ACOT9: variants seen among roughly 807,000 people sequenced by gnomAD.
ACOT9 encodes acyl-coenzyme A thioesterase 9, mitochondrial.
A neutral mutation model predicts 39.7 loss-of-function variants in ACOT9; 34 were observed. The observed-to-expected ratio is 0.86, with a 90% CI of 0.65 to 1.14. The LOEUF (loss-of-function observed/expected upper bound fraction) is 1.14. ACOT9 is among the 50% of genes most tolerant of loss of function. ACOT9 has a pLI of 0.00. For synonymous variants in ACOT9, 110 were observed against 120.5 expected, an observed-to-expected ratio of 0.91 and a Z score of 0.57; for missense variants, 313 against 344.1, an observed-to-expected ratio of 0.91 and a Z score of 0.71.
chrX:23,720,849 T>C (rs990702397), intron 8 of ACOT9, among the ~76,000 whole-genome samples: 3 of 111,340 alleles, frequency 2.7e-5, no homozygotes, highest in Admixed American at 9.7e-5. Context: ...CTCCCCTATA[T>C]AAAATGGGGT....
chrX:23,705,908 T>C (rs1285027386), intron 11 of ACOT9, 50 bp from the exon 12 acceptor site: 14 of 1,023,804 alleles, frequency 1.4e-5, no homozygotes, highest in Non-Finnish European at 1.9e-5. Flanking sequence ...GGTTCTCTTG[T>C]TGAAAAGTAA....
In ACOT9 at chrX:23,713,547, T is replaced by TA. The variant is rs1299622641; in HGVS notation, c.589-340dup. Among the ~76,000 whole-genome samples the TA allele has an allele frequency of 9.4e-3, 570 of 60,561 alleles. 4 individuals carry two copies. The highest frequency in any genetic ancestry group is 0.027 in the African/African-American group (423 of 15,761). The allele number at this position is 60,561 out of a possible 115,157, so 52.6% of individuals were successfully genotyped here. On this transcript the variant is annotated intron_variant, in intron 8 of 15. Coordinates refer to ENST00000379303, the MANE Select transcript of ACOT9 (RefSeq NM_001037171.2). ...TGAGCCGAGATTGCAGGCCCCTGTCTAAAAAAAAAAAAAGAAAAAAAAAAA... is the reference window on the plus strand; with the variant it reads ...TGAGCCGAGATTGCAGGCCCCTGTCTAAAAAAAAAAAAAAGAAAAAAAAAAA...
intron 6 of ACOT9, among the ~76,000 whole-genome samples, chrX:23,729,376 G>A (rs1300715987): frequency 1.8e-5 from 2 of 111,946 alleles, no homozygotes; most frequent in African/African-American, 6.5e-5. Context: ...TAAGGAACTA[G>A]TCCTGACATG....
chrX:23,729,451 T>C (rs895629560), intron 6 of ACOT9, among the ~76,000 whole-genome samples: 2 of 111,996 alleles, frequency 1.8e-5, no homozygotes, highest in African/African-American at 3.2e-5. Context: ...TGGCAAAAGT[T>C]GAATGGGACC....
intron 8 of ACOT9, among the ~76,000 whole-genome samples, chrX:23,719,058 C>T (rs1387329708): frequency 9.1e-6 from 1 of 110,441 alleles, no homozygotes; most frequent in Non-Finnish European, 1.9e-5. Context: ...TGGCTTGAGT[C>T]CAAGAGTTCA....
intron 3 of ACOT9, 145 bp from the exon 4 acceptor site, chrX:23,733,362 C>T (rs1684912947): frequency 2.0e-6 from 1 of 511,818 alleles, no homozygotes; most frequent in Non-Finnish European, 3.3e-6. Flanking sequence ...CCACAACAAA[C>T]AGCTCAGGGA....
At chrX:23,704,326 G>A (rs1003144483) in intron 15 of ACOT9, among the ~76,000 whole-genome samples, 14 of 98,050 alleles carry the variant, frequency 1.4e-4, no homozygotes, top group Middle Eastern at 5.1e-3. Flanking sequence ...GCCCGCCACC[G>A]TGCCCGGCTA....
At chrX:23,717,924 T>C (rs1340508579) in intron 8 of ACOT9, among the ~76,000 whole-genome samples, 1 of 110,450 alleles carries the variant, frequency 9.1e-6, no homozygotes, top group Non-Finnish European at 1.9e-5. Context: ...CCGGTCTGTA[T>C]AAAAAATACA....
At chrX:23,730,011 A>T (rs5925598) in intron 6 of ACOT9, among the ~76,000 whole-genome samples, 17,541 of 109,895 alleles carry the variant, frequency 0.16, 1,377 homozygotes, top group Non-Finnish European at 0.23. Flanking sequence ...AGTAAGAAAG[A>T]TTATTCAGAC....
At chrX:23,712,094 C>G (rs1201002093) in intron 9 of ACOT9, among the ~76,000 whole-genome samples, 1 of 111,528 alleles carries the variant, frequency 9.0e-6, no homozygotes, top group Non-Finnish European at 1.9e-5. Context: ...TGGATTAAAA[C>G]AGATTTAAGA....
intron 15 of ACOT9, among the ~76,000 whole-genome samples, 194 bp from the exon 16 acceptor site, chrX:23,704,176 T>G (rs1257987108): frequency 1.1e-5 from 1 of 93,975 alleles, no homozygotes; most frequent in African/African-American, 4.0e-5. Context: ...GTTTTTTTTT[T>G]TTTTTTTTTT....
chrX:23,710,243 A>C (rs1278940919), intron 9 of ACOT9, among the ~76,000 whole-genome samples: 1 of 112,252 alleles, frequency 8.9e-6, no homozygotes, highest in Non-Finnish European at 1.9e-5. Flanking sequence ...TCCACTAAAA[A>C]GGCCTGGAAA....
intron 8 of ACOT9, among the ~76,000 whole-genome samples, chrX:23,719,983 C>T (rs778537708): frequency 3.7e-5 from 4 of 107,386 alleles, no homozygotes; most frequent in East Asian, 5.7e-4. Flanking sequence ...TACAGGCACC[C>T]GCCACCACGC....
chrX:23,725,849 C>T (rs1180572628), intron 6 of ACOT9, among the ~76,000 whole-genome samples: 2 of 109,940 alleles, frequency 1.8e-5, no homozygotes, highest in African/African-American at 6.6e-5. Flanking sequence ...AAAGATTTAA[C>T]AATTTTATTG....
At chrX:23,715,729 C>T (rs1929052289) in intron 8 of ACOT9, among the ~76,000 whole-genome samples, 1 of 111,553 alleles carries the variant, frequency 9.0e-6, no homozygotes, top group Admixed American at 9.7e-5. Flanking sequence ...ACCGTGAGCT[C>T]CTGTAGGACA....
At chrX:23,719,706 G>A (rs1048166878) in intron 8 of ACOT9, among the ~76,000 whole-genome samples, 1 of 111,912 alleles carries the variant, frequency 8.9e-6, no homozygotes, top group African/African-American at 3.2e-5. Flanking sequence ...ATCTAATGCC[G>A]CTGCTGATCT....
chrX:23,704,257 G>A (rs373620785), intron 15 of ACOT9, among the ~76,000 whole-genome samples: 5 of 97,857 alleles, frequency 5.1e-5, no homozygotes, highest in East Asian at 6.6e-4. Context: ...TGCAAGCTCC[G>A]CCTCCCAGGT....
At chrX:23,741,059 C>T (rs138417073) in intron 1 of ACOT9, among the ~76,000 whole-genome samples, 4,750 of 108,888 alleles carry the variant, frequency 0.044, 99 homozygotes, top group Middle Eastern at 0.075. Flanking sequence ...CAGCATGGCA[C>T]ATGTATACAT....
At chrX:23,720,125 G>T (rs376239437) in intron 8 of ACOT9, among the ~76,000 whole-genome samples, 1 of 113,016 alleles carries the variant, frequency 8.8e-6, no homozygotes, top group Non-Finnish European at 1.9e-5. Context: ...GAGCCACCGC[G>T]CCCAGCCAGT....
Sources: gnomAD v4.1 joint callset for allele counts (sites outside exome capture counted in the v4.1 genomes callset) on GRCh38, gnomAD v4.1.1 for gene constraint, MANE v1.5 for transcripts, NCBI Gene and HGNC (gene_info 2026-07-23, HGNC 2026-07-21) for gene names.